The following MPP7 variants were observed in gnomAD, a reference collection of about 807,000 sequenced individuals.
MPP7 encodes the protein MAGUK p55 subfamily member 7.
Under a neutral mutation model 76.5 loss-of-function variants are expected in MPP7, and 60 were observed. The observed-to-expected ratio is 0.78, with a 90% CI of 0.64 to 0.97. The LOEUF (loss-of-function observed/expected upper bound fraction) is 0.97. Among genes scored for constraint, MPP7 ranks in the 50% least tolerant of loss-of-function variants. The pLI, the probability that MPP7 is intolerant of heterozygous loss-of-function variation, is 0.00. For missense variants in MPP7, 641 were observed against 694.0 expected (o/e 0.92, Z 0.86); for synonymous variants, 237 against 244.5 (o/e 0.97, Z 0.29).
In MPP7 at chr10:28,143,870, T is replaced by C. The variant is rs1452697866; in HGVS notation, c.315+3613A>G. ...CAATCGTGTGCTGTGTGTGTGTGTGTGTGTGTGTGTGTGTGTGTGTGTGTG... is the reference window on the plus strand; with the variant it reads ...CAATCGTGTGCTGTGTGTGTGTGTGCGTGTGTGTGTGTGTGTGTGTGTGTG... On this transcript the variant is annotated intron_variant, in intron 5 of 16. Transcript: ENST00000683449. 2.2e-4 allele frequency among the ~76,000 whole-genome samples: 31 copies of C among 139,120 alleles called. 1 individual carries two copies. The South Asian group carries it at 8.0e-3, about 36-fold the overall frequency. The allele number at this position is 139,120 out of a possible 152,430, so 91.3% of individuals were successfully genotyped here.
intron 11 of MPP7, among the ~76,000 whole-genome samples, chr10:28,094,522 C>T (rs1853472296): frequency 6.6e-6 from 1 of 152,222 alleles, no homozygotes; most frequent in South Asian, 2.1e-4. Context: ...ATGGTAAGTG[C>T]TTTACATGTT....
chr10:28,102,629 C>T (rs1853878340), intron 11 of MPP7, among the ~76,000 whole-genome samples: 1 of 152,220 alleles, frequency 6.6e-6, no homozygotes. Context: ...TACTCCTCTG[C>T]AGTCTTTCCC....
chr10:28,259,727 C>T (rs1839891161), intron 1 of MPP7, among the ~76,000 whole-genome samples: 1 of 152,134 alleles, frequency 6.6e-6, no homozygotes, highest in African/African-American at 2.4e-5. Context: ...GCCTGGAATC[C>T]CAGTACTTTG....
chr10:28,157,346 C>A (rs762696616), intron 3 of MPP7, among the ~76,000 whole-genome samples: 19 of 152,158 alleles, frequency 1.2e-4, no homozygotes, highest in Non-Finnish European at 2.4e-4. Flanking sequence ...GACCCTCTGC[C>A]CACAAGCCCA....
At position 28,119,703 on chromosome 10, in the gene MPP7, C is replaced by A; in HGVS notation, c.900G>T (p.Leu300Phe). 6.2e-7 allele frequency: 1 copy of A among 1,613,616 alleles called. No homozygotes were observed. ...GCTGAACCAATATTTCTGGTCGTCT[C>A]AAAGCCAATCTCCTGGGAGAAAGAA... ...SKHFQERRLA[L>F]RRPEILVQPL... The change falls in exon 11 of 17, where the codon TTG (leucine) becomes TTT (phenylalanine). Residue 300 changes from leucine to phenylalanine, a missense_variant. By Grantham distance (22) the Leu-to-Phe change is conservative. Transcript: ENST00000683449.
intron 8 of MPP7, among the ~76,000 whole-genome samples, chr10:28,122,992 T>C (rs1834892893): frequency 6.6e-6 from 1 of 152,154 alleles, no homozygotes; most frequent in Non-Finnish European, 1.5e-5. Flanking sequence ...ATTTAATTTG[T>C]TGGGAATTTA....
At chr10:28,206,703 A>G (rs1837959950) in intron 2 of MPP7, among the ~76,000 whole-genome samples, 1 of 152,156 alleles carries the variant, frequency 6.6e-6, no homozygotes, top group Non-Finnish European at 1.5e-5. Flanking sequence ...AAGCTGTTTG[A>G]GATGGAGCAT....
Position 28,131,578 on chromosome 10 carries a change from G to T in MPP7, c.429C>A (p.Val143=). Residue 143 remains valine, a synonymous_variant, in exon 6 of 17, where the codon GTC becomes GTA. Transcript: ENST00000683449. ...EEDSVKIIRL[V]KNREPLGATI... is the part of the protein sequence containing the mutation. ...AACTCACCAGTGGTTCTCTATTTTT[G>T]ACCAGACGGATTATTTTTACTGAGT... The T allele has an allele frequency of 3.1e-6, 5 of 1,598,622 alleles. No individual in the cohort carries two copies. The South Asian group carries it at 5.5e-5, about 18-fold the overall frequency.
At chr10:28,161,833 C>G (rs1022235271) in intron 3 of MPP7, among the ~76,000 whole-genome samples, 1 of 152,088 alleles carries the variant, frequency 6.6e-6, no homozygotes, top group African/African-American at 2.4e-5. Flanking sequence ...TACGTTAAAA[C>G]TTATTTACAG....
chr10:28,238,534 T>C lies in MPP7; in HGVS notation c.37+34A>G. 4.3e-6 allele frequency: 7 copies of C among 1,610,140 alleles called. 1 individual carries two copies. In the South Asian group the frequency reaches 7.7e-5, roughly 18 times the overall value. ...ACTGTGAACAAGATTTAAGCAAAGATGGAATGAGAACTGCCCCTCTTGGGG... is the reference window on the plus strand; with the variant it reads ...ACTGTGAACAAGATTTAAGCAAAGACGGAATGAGAACTGCCCCTCTTGGGG... On this transcript the variant is annotated intron_variant, in intron 2 of 16. Transcript: ENST00000683449.
rs7903192 is a variant in MPP7, at chr10:28,120,685, C to T, written c.616-17G>A. 31,439 of 1,605,328 alleles carry T rather than the reference C, an allele frequency of 0.02. 978 individuals carry two copies. Among genetic ancestry groups the T allele is most frequent in the East Asian group, 0.15 (6,547 of 44,666 alleles). The stretch of plus-strand genomic sequence containing the variant: ...AGACTGAGCCTGGTAACAGATAAAA[C>T]AAGGAGTTATAAGAAAACCAGACCC... On this transcript the variant is annotated splice_polypyrimidine_tract_variant and intron_variant, in intron 8 of 16. Coordinates refer to ENST00000683449, the MANE Select transcript of MPP7 (RefSeq NM_001318170.2).
At chr10:28,161,670 T>G (rs2985523) in intron 3 of MPP7, among the ~76,000 whole-genome samples, 113,626 of 151,950 alleles carry the variant, frequency 0.75, 42,620 homozygotes, top group Middle Eastern at 0.84. Flanking sequence ...AAGCTAAACA[T>G]CCTCGATTTC....
chr10:28,159,150 GA>G (rs1422131322), intron 3 of MPP7, among the ~76,000 whole-genome samples: 2 of 152,202 alleles, frequency 1.3e-5, no homozygotes, highest in Non-Finnish European at 2.9e-5. Flanking sequence ...AAAAGAGATA[GA>G]AAAGTTAGCT....
intron 2 of MPP7, among the ~76,000 whole-genome samples, chr10:28,234,187 GC>G (rs1231780257): frequency 2.0e-5 from 3 of 152,076 alleles, no homozygotes; most frequent in Admixed American, 6.5e-5. Context: ...GTAAGGAAGT[GC>G]TAAAAACCAA....
chr10:28,062,127 A>C (rs1345507925), intron 13 of MPP7, among the ~76,000 whole-genome samples: 1 of 152,206 alleles, frequency 6.6e-6, no homozygotes, highest in East Asian at 1.9e-4. Flanking sequence ...AAGTTCATTA[A>C]GATATATATG....
At chr10:28,229,305 A>T (rs552021302) in intron 2 of MPP7, among the ~76,000 whole-genome samples, 12 of 152,352 alleles carry the variant, frequency 7.9e-5, no homozygotes, top group African/African-American at 2.9e-4. Context: ...CTTTGAATAT[A>T]TAATTTCATT....
intron 1 of MPP7, among the ~76,000 whole-genome samples, chr10:28,254,314 A>G (rs1839717029): frequency 1.3e-5 from 2 of 152,224 alleles, no homozygotes; most frequent in Admixed American, 1.3e-4. Flanking sequence ...ATAAAAAGAA[A>G]ACAGGAAAGA....
intron 5 of MPP7, among the ~76,000 whole-genome samples, chr10:28,140,143 T>C (rs997941222): frequency 6.6e-6 from 1 of 152,240 alleles, no homozygotes; most frequent in African/African-American, 2.4e-5. Flanking sequence ...GAAAGCCGCA[T>C]ACTCTTAAAT....
chr10:28,326,403 C>A (rs186267089), intron 2 of MPP7, among the ~76,000 whole-genome samples: 1 of 152,196 alleles, frequency 6.6e-6, no homozygotes, highest in East Asian at 1.9e-4. Flanking sequence ...GGTGTGGGTA[C>A]GACATTGATC....
Sources: allele counts gnomAD v4.1 joint callset (sites outside exome capture counted in the v4.1 genomes callset), GRCh38; gene constraint gnomAD v4.1.1; transcripts MANE v1.5; gene names NCBI Gene and HGNC (gene_info 2026-07-23, HGNC 2026-07-21).